Variants in ITGBL1 observed in about 807,000 individuals in gnomAD.
The protein encoded by ITGBL1 is integrin subunit beta like 1, also known as integrin beta-like protein 1.
Under a neutral mutation model 68.5 loss-of-function variants are expected in ITGBL1, and 51 were observed. The observed-to-expected ratio is 0.74, with a 90% CI of 0.59 to 0.94. The LOEUF (loss-of-function observed/expected upper bound fraction) is 0.94. ITGBL1 is among the 40% of genes least tolerant of loss of function. The probability of loss-of-function intolerance (pLI) is 0.00; values close to 1 mark genes in which losing one functional copy is unlikely to be tolerated. For missense variants in ITGBL1, 649 were observed against 647.4 expected (o/e 1.00, Z -0.03); for synonymous variants, 209 against 227.3 (o/e 0.92, Z 0.72).
intron 3 of ITGBL1, among the ~76,000 whole-genome samples, chr13:101,571,689 T>C (rs1231585960): frequency 6.6e-6 from 1 of 152,176 alleles, no homozygotes; most frequent in African/African-American, 2.4e-5. Context: ...TGTGTAAAGA[T>C]AAATAGACAT....
chr13:101,485,784 T>C (rs900187258), intron 2 of ITGBL1, among the ~76,000 whole-genome samples: 1 of 151,988 alleles, frequency 6.6e-6, no homozygotes, highest in Non-Finnish European at 1.5e-5. Context: ...AGCGCGAGAC[T>C]CTGTCTCAGA....
At chr13:101,586,624 AAC>A (rs1439354797) in intron 6 of ITGBL1, among the ~76,000 whole-genome samples, 2 of 152,242 alleles carry the variant, frequency 1.3e-5, no homozygotes, top group African/African-American at 4.8e-5. Context: ...GTCATCTGAA[AAC>A]ACATATAGCC....
intron 2 of ITGBL1, among the ~76,000 whole-genome samples, chr13:101,474,469 G>C (rs2048507122): frequency 6.6e-6 from 1 of 152,156 alleles, no homozygotes; most frequent in Non-Finnish European, 1.5e-5. Flanking sequence ...CAGCATTTCT[G>C]GGCCAGCCTT....
intron 7 of ITGBL1, among the ~76,000 whole-genome samples, chr13:101,633,047 A>G (rs2032039330): frequency 6.6e-6 from 1 of 152,200 alleles, no homozygotes; most frequent in African/African-American, 2.4e-5. Flanking sequence ...CTGCTGGTCC[A>G]GGATAGATGA....
intron 2 of ITGBL1, among the ~76,000 whole-genome samples, chr13:101,460,128 C>A (rs1478654181): frequency 1.3e-5 from 2 of 152,134 alleles, no homozygotes; most frequent in Non-Finnish European, 2.9e-5. Flanking sequence ...TTCCTTCAAT[C>A]CTCATCCTGT....
chr13:101,663,137 A>T lies in ITGBL1; in HGVS notation c.1016-29448A>T, dbSNP rs192660893. Among the ~76,000 whole-genome samples, 30 of 152,292 alleles carry T rather than the reference A, an allele frequency of 2.0e-4. No individual in the cohort carries two copies. In the East Asian group the frequency reaches 5.8e-3, roughly 29 times the overall value. ...GATAACAATTTTAATATTTAAATAGATGTTGAATAAATGAGTATGATTTTT... is the reference window on the plus strand; with the variant it reads ...GATAACAATTTTAATATTTAAATAGTTGTTGAATAAATGAGTATGATTTTT... On this transcript the variant is annotated intron_variant, in intron 7 of 10. Transcript: ENST00000376180.
At chr13:101,664,420 T>C (rs565641859) in intron 7 of ITGBL1, among the ~76,000 whole-genome samples, 1 of 152,296 alleles carries the variant, frequency 6.6e-6, no homozygotes, top group East Asian at 1.9e-4. Context: ...ATCTCTATTA[T>C]AATAATTGTA....
intron 7 of ITGBL1, among the ~76,000 whole-genome samples, chr13:101,649,286 G>T (rs1200913276): frequency 6.6e-6 from 1 of 152,110 alleles, no homozygotes; most frequent in Non-Finnish European, 1.5e-5. Flanking sequence ...AAACACAAGG[G>T]ATGTGTCTTC....
At chr13:101,604,070 T>C (rs2030549190) in intron 7 of ITGBL1, among the ~76,000 whole-genome samples, 1 of 151,944 alleles carries the variant, frequency 6.6e-6, no homozygotes, top group African/African-American at 2.4e-5. Flanking sequence ...ACAAATGCTT[T>C]TATATTTTGA....
At position 101,538,863 on chromosome 13, in the gene ITGBL1, A is replaced by G. The variant is rs1335130597; in HGVS notation, c.317-28836A>G. Among the ~76,000 whole-genome samples, 7 of 152,124 alleles carry G rather than the reference A, an allele frequency of 4.6e-5. No individual in the cohort carries two copies. The South Asian group carries it at 6.2e-4, about 14-fold the overall frequency. ...AAACACTCTTAAGCAGTTTATAGTC[A>G]TTATTTTACATAGAAATTCTGTAAT... is the stretch of plus-strand genomic sequence containing the variant. On this transcript the variant is annotated intron_variant, in intron 2 of 10. Transcript: ENST00000376180.
chr13:101,514,691 A>G (rs1218771028), intron 2 of ITGBL1, among the ~76,000 whole-genome samples: 3 of 152,020 alleles, frequency 2.0e-5, no homozygotes, highest in African/African-American at 7.2e-5. Flanking sequence ...CTGAATTTCA[A>G]TTTCTTTGTT....
At chr13:101,623,680 G>A (rs1403896876) in intron 7 of ITGBL1, among the ~76,000 whole-genome samples, 1 of 152,182 alleles carries the variant, frequency 6.6e-6, no homozygotes, top group Admixed American at 6.5e-5. Context: ...AAAGAAATCT[G>A]TTGTAATCAC....
intron 6 of ITGBL1, among the ~76,000 whole-genome samples, chr13:101,588,042 C>T (rs1430255925): frequency 1.3e-5 from 2 of 152,180 alleles, no homozygotes; most frequent in African/African-American, 4.8e-5. Flanking sequence ...TGCTGAAACA[C>T]CTGCACCTGT....
At chr13:101,688,792 T>G (rs111374476) in intron 7 of ITGBL1, among the ~76,000 whole-genome samples, 4 of 152,316 alleles carry the variant, frequency 2.6e-5, no homozygotes, top group African/African-American at 9.6e-5. Context: ...CTGGGAGAGA[T>G]ATACCATTTC....
In ITGBL1 at chr13:101,715,698, T is replaced by C. The variant is rs1397673957; in HGVS notation, c.*44T>C. 1 of 1,301,606 alleles carries C rather than the reference T, an allele frequency of 7.7e-7. No homozygotes were observed. 80.6% of individuals were successfully genotyped at this position (1,301,606 alleles called of 1,614,324 possible). On this transcript the variant is annotated 3_prime_UTR_variant, in exon 11 of 11. Transcript: ENST00000376180. Reference sequence around the variant, plus strand: ...CTGGATTCTTATTTTTTCTGGGCCATTAGAACAGATAAATGCGAAGGAAAC... The same window carrying C: ...CTGGATTCTTATTTTTTCTGGGCCACTAGAACAGATAAATGCGAAGGAAAC...
chr13:101,683,041 A>G (rs1457758819), intron 7 of ITGBL1, among the ~76,000 whole-genome samples: 1 of 152,102 alleles, frequency 6.6e-6, no homozygotes, highest in South Asian at 2.1e-4. Context: ...TTTATCAAAC[A>G]TATTTTTTGA....
At chr13:101,689,211 TAAAAAAAA>T (rs34627046) in intron 7 of ITGBL1, among the ~76,000 whole-genome samples, 19 of 74,860 alleles carry the variant, frequency 2.5e-4, no homozygotes, top group Admixed American at 4.3e-4. Context: ...AGACTCTGCC[TAAAAAAAA>T]AAAAAAAAAA....
At chr13:101,650,634 T>C (rs2032717694) in intron 7 of ITGBL1, among the ~76,000 whole-genome samples, 1 of 151,818 alleles carries the variant, frequency 6.6e-6, no homozygotes, top group Non-Finnish European at 1.5e-5. Context: ...TTTTTTTTTT[T>C]TAGTCAACTT....
intron 7 of ITGBL1, among the ~76,000 whole-genome samples, chr13:101,665,551 A>G (rs1433057691): frequency 6.6e-6 from 1 of 152,078 alleles, no homozygotes; most frequent in African/African-American, 2.4e-5. Flanking sequence ...TAATCATGTC[A>G]TATGTGAATA....
Sources: allele counts gnomAD v4.1 joint callset (sites outside exome capture counted in the v4.1 genomes callset), GRCh38; gene constraint gnomAD v4.1.1; transcripts MANE v1.5; gene names NCBI Gene and HGNC (gene_info 2026-07-23, HGNC 2026-07-21).